The following UTRN variants were observed in gnomAD, a reference collection of about 807,000 sequenced individuals.
UTRN encodes the protein dystrophin-related protein 1.
UTRN carries 283 observed loss-of-function variants against 463.9 expected under a neutral mutation model. The observed-to-expected ratio is 0.61, with a 90% CI of 0.55 to 0.67. UTRN has a LOEUF of 0.67. Ranked by LOEUF, UTRN falls within the 30% of genes least tolerant of loss-of-function variation. The pLI is 0.00. For synonymous variants in UTRN, 1,442 were observed against 1,431.5 expected (o/e 1.01, Z -0.17); for missense variants, 3,922 against 4,084.3 (o/e 0.96, Z 1.08).
intron 51 of UTRN, chr6:144,583,181 C>T (rs986461015): frequency 3.5e-6 from 1 of 288,600 alleles, no homozygotes; most frequent in African/African-American, 2.2e-5. Context: ...GCACTCCTCT[C>T]CCGCAGCCGG....
intron 51 of UTRN, among the ~76,000 whole-genome samples, chr6:144,619,618 C>T (rs1418544986): frequency 6.6e-6 from 1 of 152,124 alleles, no homozygotes. Context: ...GTACATTAAT[C>T]TTTGTGAAGT....
At chr6:144,718,742 T>G (rs1467892978) in intron 53 of UTRN, among the ~76,000 whole-genome samples, 1 of 152,194 alleles carries the variant, frequency 6.6e-6, no homozygotes, top group African/African-American at 2.4e-5. Context: ...ATACAAAAAT[T>G]TATTGGCTTT....
At chr6:144,514,212 TG>T (rs1163373593) in intron 36 of UTRN, among the ~76,000 whole-genome samples, 175 bp downstream of exon 36, 1 of 152,130 alleles carries the variant, frequency 6.6e-6, no homozygotes, top group Non-Finnish European at 1.5e-5. Context: ...GAGACGAACT[TG>T]AAATTGAAAG....
chr6:144,622,151 T>C (rs996202375), intron 51 of UTRN, among the ~76,000 whole-genome samples: 1 of 151,108 alleles, frequency 6.6e-6, no homozygotes, highest in African/African-American at 2.4e-5. Flanking sequence ...GAGTGTTTTA[T>C]CTTACAATAG....
intron 51 of UTRN, among the ~76,000 whole-genome samples, chr6:144,639,770 G>A (rs1777577808): frequency 6.6e-6 from 1 of 151,904 alleles, no homozygotes; most frequent in Admixed American, 6.6e-5. Flanking sequence ...TCTGTGTTGT[G>A]TTAGGGCTGT....
intron 71 of UTRN, 83 bp downstream of exon 71, chr6:144,836,624 A>T (rs1303453252): frequency 6.5e-7 from 1 of 1,545,962 alleles, no homozygotes; most frequent in Non-Finnish European, 8.7e-7. Flanking sequence ...GTGTCAGGAG[A>T]GGCAGAGAAG....
At chr6:144,432,068 G>GA (rs1785905182) in intron 9 of UTRN, among the ~76,000 whole-genome samples, 1 of 152,058 alleles carries the variant, frequency 6.6e-6, no homozygotes, top group Non-Finnish European at 1.5e-5. Flanking sequence ...ATGTGCCACG[G>GA]GTGGTGTGCT....
Position 144,670,750 on chromosome 6 carries a change from A to G in UTRN, c.7480-7656A>G, listed in dbSNP as rs58667450. On this transcript the variant is annotated intron_variant, in intron 51 of 74. Coordinates refer to ENST00000367545, the MANE Select transcript of UTRN (RefSeq NM_007124.3). ...AAGAGTTTTTCTGATGTTATCTTCT[A>G]GAATTTTTATGGTTTCAGATCTTAG... Among the ~76,000 whole-genome samples the G allele has an allele frequency of 1.2e-4, 19 of 152,280 alleles. No individual in the cohort carries two copies. In the East Asian group the frequency reaches 3.7e-3, roughly 29 times the overall value.
intron 50 of UTRN, among the ~76,000 whole-genome samples, chr6:144,574,130 G>T (rs1325197626): frequency 6.6e-6 from 1 of 152,108 alleles, no homozygotes; most frequent in Non-Finnish European, 1.5e-5. Flanking sequence ...ATATTCTAGA[G>T]AAAAAGGAGC....
At position 144,761,655 on chromosome 6, in the gene UTRN, T is replaced by A. The variant is rs9376850; in HGVS notation, c.8495+3666T>A. Among the ~76,000 whole-genome samples, 531 of 151,314 alleles carry A rather than the reference T, an allele frequency of 3.5e-3. 17 individuals carry two copies. The East Asian group carries it at 0.078, about 22-fold the overall frequency. ...AGTGAAACTCTGTCTCCTTAAAAAA[T>A]AATAATAATAATAATAAATAAAGAG... On this transcript the variant is annotated intron_variant, in intron 58 of 74. Transcript: ENST00000367545.
At chr6:144,661,982 T>G (rs181386763) in intron 51 of UTRN, among the ~76,000 whole-genome samples, 1 of 151,974 alleles carries the variant, frequency 6.6e-6, no homozygotes, top group African/African-American at 2.4e-5. Flanking sequence ...AAGGCTTGAT[T>G]TGGGATTTTT....
chr6:144,807,786 G>A lies in UTRN; in HGVS notation c.9357+4639G>A, dbSNP rs556342798. On this transcript the variant is annotated intron_variant, in intron 65 of 74. Transcript: ENST00000367545. ...ATCATTTTCTAACTGTGGTGTTTTT[G>A]TCTTCTCAATTATCTTTTTACCTCC... 1.5e-3 allele frequency among the ~76,000 whole-genome samples: 225 copies of A among 152,138 alleles called. 1 individual carries two copies. The highest frequency in any genetic ancestry group is 5.2e-3 in the African/African-American group (215 of 41,528).
At position 144,479,811 on chromosome 6, in the gene UTRN, G is replaced by T; in HGVS notation, c.3337-1G>T. ...TTGGGGGAATGGCTTTTCCTTTGTA[G>T]ATCGCTACTCAAAAAAGTAGGTTGT... On this transcript the variant is annotated splice_acceptor_variant, in intron 25 of 74. Transcript: ENST00000367545. LOFTEE classifies it high-confidence loss of function. 1.2e-6 allele frequency: 2 copies of T among 1,611,824 alleles called. No homozygotes were observed. The highest frequency in any genetic ancestry group is 1.7e-6 in the Non-Finnish European group (2 of 1,178,994).
At chr6:144,589,087 A>G (rs1237594402) in intron 51 of UTRN, among the ~76,000 whole-genome samples, 2 of 152,258 alleles carry the variant, frequency 1.3e-5, no homozygotes, top group South Asian at 4.1e-4. Context: ...TTAATAAATA[A>G]TAGGCTTATG....
rs925963849 is a variant in UTRN at position 144,451,428 on chromosome 6, C to G, written c.2131C>G (p.Gln711Glu). The G allele has an allele frequency of 3.7e-6, 6 of 1,613,256 alleles. No homozygotes were observed. Among genetic ancestry groups the G allele is most frequent in the African/African-American group, 1.3e-5 (1 of 74,988 alleles). Reference protein sequence around the residue: ...NWILKWKTAIQTTEIKEYMKM... With the variant: ...NWILKWKTAIETTEIKEYMKM... ...GATTTTGAAATGGAAAACTGCCATT[C>G]AGACCACAGAGATAAAAGAGTATAT... is the stretch of plus-strand genomic sequence containing the variant. The change falls in exon 18 of 75, where the codon CAG becomes GAG. Residue 711 changes from glutamine (Q) to glutamate (E), a missense_variant. By Grantham distance (29) the Gln-to-Glu change is conservative. Around this residue, in one of 3 missense-constraint regions of UTRN, gnomAD observed 2,349 missense variants for 2,303.8 expected, o/e 1.02. Transcript: ENST00000367545.
chr6:144,423,738 TC>T, intron 5 of UTRN, 112 bp downstream of exon 5: 4 of 1,312,336 alleles, frequency 3.0e-6, no homozygotes, highest in Non-Finnish European at 4.3e-6. Context: ...AAACATTTTT[TC>T]TTATGAGAAA....
chr6:144,370,253 T>G (rs546283565), intron 2 of UTRN, among the ~76,000 whole-genome samples: 1 of 151,998 alleles, frequency 6.6e-6, no homozygotes, highest in South Asian at 2.1e-4. Flanking sequence ...GGAAAAATGG[T>G]TTAGTGGGCC....
chr6:144,690,672 C>T (rs990994198), intron 52 of UTRN, among the ~76,000 whole-genome samples: 3 of 152,130 alleles, frequency 2.0e-5, no homozygotes, highest in Non-Finnish European at 4.4e-5. Context: ...AATGACTTCC[C>T]TTCATCCCTC....
At chr6:144,642,616 G>A (rs1040820430) in intron 51 of UTRN, among the ~76,000 whole-genome samples, 4 of 152,108 alleles carry the variant, frequency 2.6e-5, no homozygotes, top group South Asian at 2.1e-4. Flanking sequence ...ACTCTACAAC[G>A]TCACGTTTTC....
Sources: gnomAD v4.1 joint callset for allele counts (sites outside exome capture counted in the v4.1 genomes callset) on GRCh38, gnomAD v4.1.1 for gene constraint, gnomAD v4.1.1 regional missense constraint, MANE v1.5 for transcripts, NCBI Gene and HGNC (gene_info 2026-07-23, HGNC 2026-07-21) for gene names.